FAM151A: variants seen among roughly 807,000 people sequenced by gnomAD.
FAM151A encodes protein FAM151A.
In FAM151A, 41 loss-of-function variants were observed where a neutral mutation model predicts 40.4. The ratio of observed to expected loss-of-function variants is 1.01; its 90% CI spans 0.79 to 1.32. FAM151A has a LOEUF of 1.32. Ranked by LOEUF, FAM151A falls within the 40% of genes most tolerant of loss-of-function variation. FAM151A has a pLI of 0.00. For synonymous variants in FAM151A, 337 were observed against 312.5 expected (o/e 1.08, Z -0.83); for missense variants, 740 against 740.4 (o/e 1.00, Z 0.01).
rs767036550 is a variant in FAM151A, at chr1:54,616,067, T to C, written c.368A>G (p.Asn123Ser). 2 of 1,614,170 alleles carry C rather than the reference T, an allele frequency of 1.2e-6. No homozygotes were observed. The highest frequency in any genetic ancestry group is 1.7e-6 in the Non-Finnish European group (2 of 1,180,032). The change falls in exon 3 of 8, where the codon AAC becomes AGC. Residue 123 changes from asparagine (N) to serine (S), a missense_variant. Coordinates refer to ENST00000302250, the MANE Select transcript of FAM151A (RefSeq NM_176782.3). ...MAHPPTIYSD[N>S]TLEQWLDAVL... ...AGCGTCCAGCCACTGCTCCAGTGTG[T>C]TGTCACTGTAGATAGTGGGGGGGTG...
chr1:54,612,131 T>G (rs1569782724), intron 5 of FAM151A, among the ~76,000 whole-genome samples: 4 of 148,078 alleles, frequency 2.7e-5, no homozygotes, highest in African/African-American at 5.0e-5. Flanking sequence ...GGCAGGGGAG[T>G]CTCTAAATTC....
At chr1:54,616,721 TTA>T (rs1644177563) in intron 2 of FAM151A, among the ~76,000 whole-genome samples, 1 of 152,204 alleles carries the variant, frequency 6.6e-6, no homozygotes, top group African/African-American at 2.4e-5. Flanking sequence ...TTATAATTTT[TTA>T]TGTTTTTTCA....
At chr1:54,613,639 T>C (rs778814179) in intron 4 of FAM151A, among the ~76,000 whole-genome samples, 1 of 152,194 alleles carries the variant, frequency 6.6e-6, no homozygotes, top group African/African-American at 2.4e-5. Flanking sequence ...TTTTTTTCTT[T>C]GTACTTTTCT....
chr1:54,619,752 A>C, intron 2 of FAM151A, 112 bp downstream of exon 2: 1 of 1,125,666 alleles, frequency 8.9e-7, no homozygotes, highest in South Asian at 1.4e-5. Context: ...GCTGAAAGAC[A>C]TGTAAACAGC....
At chr1:54,615,374 C>T (rs1425607896) in intron 3 of FAM151A, among the ~76,000 whole-genome samples, 1 of 152,048 alleles carries the variant, frequency 6.6e-6, no homozygotes, top group African/African-American at 2.4e-5. Context: ...CACACTTTTT[C>T]CTGAGGACAA....
rs34730286 is a variant in FAM151A, at chr1:54,622,275, CAA to C, written c.118+1001_118+1002del. 2.7e-3 allele frequency among the ~76,000 whole-genome samples: 125 copies of C among 45,916 alleles called. 1 individual carries two copies. Among genetic ancestry groups the C allele is most frequent in the South Asian group, 6.1e-3 (7 of 1,154 alleles). The allele number at this position is 45,916 out of a possible 152,430, so 30.1% of individuals were successfully genotyped here. On this transcript the variant is annotated intron_variant, in intron 1 of 7. Transcript: ENST00000302250. Reference sequence around the variant, plus strand: ...TGAGTGACAGAGTGAGACTCTGTCTCAAAAAAAAAAAAAAAAAAAAAAAGGCC... The same window carrying C: ...TGAGTGACAGAGTGAGACTCTGTCTCAAAAAAAAAAAAAAAAAAAAAGGCC...
chr1:54,611,606 A>G lies in FAM151A; in HGVS notation c.940T>C (p.Leu314=). Residue 314 remains leucine, a splice_region_variant and synonymous_variant, in exon 6 of 8, where the codon TTG becomes CTG. Coordinates refer to ENST00000302250, the MANE Select transcript of FAM151A (RefSeq NM_176782.3). The stretch of plus-strand genomic sequence containing the variant: ...CACCCTTCCCAATTCCTCTCCTTAC[A>G]GGCCAGCTGCTTGAACTGTGACAGG... ...PLLSQFKQLA[L]NATRKPMYYT... is the part of the protein sequence containing the mutation. 6.2e-7 allele frequency: 1 copy of G among 1,613,656 alleles called. No homozygotes were observed. The highest frequency in any genetic ancestry group is 1.1e-5 in the South Asian group (1 of 91,040).
chr1:54,613,040 A>G (rs962512019), intron 4 of FAM151A, among the ~76,000 whole-genome samples: 2 of 151,820 alleles, frequency 1.3e-5, no homozygotes, highest in African/African-American at 4.8e-5. Context: ...TGGGAATCTG[A>G]GCTCTGCCAG....
chr1:54,611,564 C>G, intron 6 of FAM151A, 42 bp downstream of exon 6: 1 of 1,606,878 alleles, frequency 6.2e-7, no homozygotes, highest in Non-Finnish European at 8.5e-7. Flanking sequence ...CTGCTCCATG[C>G]AGAATCCAGC....
At position 54,610,461 on chromosome 1, in the gene FAM151A, C is replaced by T; in HGVS notation, c.1035G>A (p.Leu345=). Residue 345 remains leucine, a synonymous_variant, in exon 7 of 8, where the codon CTG becomes CTA. Transcript: ENST00000302250. ...PGDDGLNVEW[L]VPDVQGSGKT... is the part of the protein sequence containing the mutation. ...TACCGCTGCCCTGGACGTCAGGAAC[C>T]AGCCACTCCACATTCAGACCGTCAT... 1 of 1,613,170 alleles carries T rather than the reference C, an allele frequency of 6.2e-7. No homozygotes were observed. The highest frequency in any genetic ancestry group is 1.3e-5 in the African/African-American group (1 of 75,022).
chr1:54,614,954 G>GTGTGT, intron 3 of FAM151A, 95 bp from the exon 4 acceptor site: 1 of 1,199,266 alleles, frequency 8.3e-7, no homozygotes, highest in Non-Finnish European at 1.2e-6. Flanking sequence ...GTGTGTGTGT[G>GTGTGT]CATGTGCGTG....
At chr1:54,617,577 C>T (rs566650180) in intron 2 of FAM151A, among the ~76,000 whole-genome samples, 12 of 151,976 alleles carry the variant, frequency 7.9e-5, no homozygotes, top group Non-Finnish European at 1.6e-4. Context: ...TTTCCAATTT[C>T]ATCTCACGTT....
chr1:54,609,926 A>T lies in FAM151A; in HGVS notation c.1100T>A (p.Ile367Asn). 1 of 1,605,960 alleles carries T rather than the reference A, an allele frequency of 6.2e-7. No homozygotes were observed. The highest frequency in any genetic ancestry group is 1.3e-5 in the African/African-American group (1 of 75,048). ...TCCCTCGAGGCCAGTGTTCAGCAGG[A>T]TCATGCCTTCTGTGTCTGGAAGAGG... ...TMTLPDTEGM[I>N]LLNTGLEGTV... The change falls in exon 8 of 8, where the codon ATC (isoleucine) becomes AAC (asparagine). Residue 367 changes from isoleucine (I) to asparagine (N), a missense_variant. Ile to Asn is a moderately radical substitution (Grantham distance 149). Coordinates refer to ENST00000302250, the MANE Select transcript of FAM151A (RefSeq NM_176782.3).
chr1:54,615,569 G>A (rs1219106595), intron 3 of FAM151A, among the ~76,000 whole-genome samples: 1 of 152,038 alleles, frequency 6.6e-6, no homozygotes, highest in African/African-American at 2.4e-5. Context: ...CTAGATGGGG[G>A]CAGGGTTAGG....
rs942780908 is a variant in FAM151A, at chr1:54,609,903, C to T, written c.1123G>A (p.Gly375Arg). The T allele has an allele frequency of 1.1e-5, 18 of 1,610,620 alleles. No individual in the cohort carries two copies. Among genetic ancestry groups the T allele is most frequent in the Middle Eastern group, 3.3e-4 (2 of 6,082 alleles). Residue 375 changes from glycine to arginine, a missense_variant, in exon 8 of 8, where the codon GGA (glycine) becomes AGA (arginine). By Grantham distance (125) the Gly-to-Arg change is moderately radical. Coordinates refer to ENST00000302250, the MANE Select transcript of FAM151A (RefSeq NM_176782.3). ...GGCACGGGGTTTTCAGCCACAGTTC[C>T]CTCGAGGCCAGTGTTCAGCAGGATC... is the stretch of plus-strand genomic sequence containing the variant. ...GMILLNTGLE[G>R]TVAENPVPIV...
At position 54,610,465 on chromosome 1, in the gene FAM151A, C is replaced by T. The variant is rs1644105315; in HGVS notation, c.1031G>A (p.Trp344Ter). ...GCTGCCCTGGACGTCAGGAACCAGC[C>T]ACTCCACATTCAGACCGTCATCCCC... ...LPGDDGLNVE[W>*]LVPDVQGSGK... Residue 344 changes from tryptophan to a stop codon, truncating the protein, a stop_gained, in exon 7 of 8, where the codon TGG (tryptophan) becomes TAG (stop). Transcript: ENST00000302250. LOFTEE classifies it high-confidence loss of function. 1 of 1,502,718 alleles carries T rather than the reference C, an allele frequency of 6.7e-7. No homozygotes were observed. The highest frequency in any genetic ancestry group is 9.2e-7 in the Non-Finnish European group (1 of 1,089,006). 93.1% of individuals were successfully genotyped at this position (1,502,718 alleles called of 1,614,324 possible). A position where few individuals can be genotyped will look rare whatever the true frequency, so the allele number is the denominator to read the frequency against.
At position 54,619,935 on chromosome 1, in the gene FAM151A, C is replaced by G. The variant is rs115445569; in HGVS notation, c.191G>C (p.Arg64Pro). 4 of 1,614,104 alleles carry G rather than the reference C, an allele frequency of 2.5e-6. No individual in the cohort carries two copies. Among genetic ancestry groups the G allele is most frequent in the Non-Finnish European group, 3.4e-6 (4 of 1,180,022 alleles). The change falls in exon 2 of 8, where the codon CGG (arginine) becomes CCG (proline). Residue 64 changes from arginine to proline, a missense_variant. Arg to Pro is a moderately radical substitution (Grantham distance 103). Transcript: ENST00000302250. ...DYLLSLGQIS[R>P]RDALEVTWYH... The stretch of plus-strand genomic sequence containing the variant: ...CCAGGTGACCTCCAAGGCATCTCGC[C>G]GGCTGATCTGGCCCAGGCTCAGCAG...
intron 2 of FAM151A, among the ~76,000 whole-genome samples, chr1:54,618,841 G>A (rs1210206597): frequency 1.3e-5 from 2 of 152,076 alleles, no homozygotes; most frequent in African/African-American, 2.4e-5. Flanking sequence ...AAGGTTATTT[G>A]ATCTTTTTTT....
At chr1:54,620,392 TA>T (rs539636355) in intron 1 of FAM151A, among the ~76,000 whole-genome samples, 46 of 152,232 alleles carry the variant, frequency 3.0e-4, no homozygotes, top group Non-Finnish European at 6.0e-4. Flanking sequence ...AGATGGAACA[TA>T]AAAGTGGAAT....
Sources: allele counts gnomAD v4.1 joint callset (sites outside exome capture counted in the v4.1 genomes callset), GRCh38; gene constraint gnomAD v4.1.1; transcripts MANE v1.5; gene names NCBI Gene and HGNC (gene_info 2026-07-23, HGNC 2026-07-21).